Variants in MEIG1 observed in about 807,000 individuals in gnomAD.
MEIG1 encodes meiosis expressed gene 1 protein homolog.
In MEIG1, 12 loss-of-function variants were observed where a neutral mutation model predicts 11.3. That is an observed-to-expected ratio of 1.07 (90% CI 0.68 to 1.73). The LOEUF is 1.73. Among genes scored for constraint, MEIG1 ranks in the 40% most tolerant of loss-of-function variants. The pLI is 0.00. For synonymous variants in MEIG1, 41 were observed against 33.2 expected (o/e 1.24, Z -0.81); for missense variants, 119 against 104.9 (o/e 1.13, Z -0.59).
chr10:14,981,301 C>T (rs1237479374), intron 1 of MEIG1, among the ~76,000 whole-genome samples: 1 of 151,902 alleles, frequency 6.6e-6, no homozygotes, highest in Non-Finnish European at 1.5e-5. Flanking sequence ...CATAATGACT[C>T]CCGTGGTGGG....
chr10:14,966,742 CTTTTA>C (rs1024209938), intron 2 of MEIG1, 136 bp downstream of exon 2: 6 of 887,830 alleles, frequency 6.8e-6, no homozygotes, highest in Admixed American at 3.1e-5. Context: ...CTTTTATTTA[CTTTTA>C]TTTTATTTTT....
chr10:14,976,334 A>G (rs1843209963), downstream of MEIG1, among the ~76,000 whole-genome samples: 1 of 152,194 alleles, frequency 6.6e-6, no homozygotes, highest in Admixed American at 6.5e-5. Flanking sequence ...AGGACCGTAC[A>G]CACTGTGAAG....
At chr10:14,961,769 C>A (rs376582113) in intron 1 of MEIG1, among the ~76,000 whole-genome samples, 1 of 148,984 alleles carries the variant, frequency 6.7e-6, no homozygotes, top group East Asian at 2.0e-4. Flanking sequence ...CGTGAGCCAC[C>A]GCACATGGCC....
intron 2 of MEIG1, chr10:14,987,217 C>A (rs1843327673): frequency 2.1e-6 from 2 of 965,562 alleles, no homozygotes; most frequent in Non-Finnish European, 3.3e-6. Context: ...CCGAAGTGAA[C>A]CCGATGTCAG....
intron 2 of MEIG1, among the ~76,000 whole-genome samples, chr10:14,971,397 T>C (rs1207629856): frequency 2.0e-5 from 3 of 151,706 alleles, no homozygotes; most frequent in Admixed American, 1.3e-4. Context: ...AGAAAACTTA[T>C]CTGGGCATGG....
At chr10:14,956,430 A>AG (rs1036232023), upstream of MEIG1, among the ~76,000 whole-genome samples, 3 of 151,478 alleles carry the variant, frequency 2.0e-5, no homozygotes, top group African/African-American at 7.3e-5. Context: ...AATAAAAAAA[A>AG]AAATAGCCAG....
At chr10:14,963,307 C>G (rs1225876906) in intron 1 of MEIG1, among the ~76,000 whole-genome samples, 1 of 151,742 alleles carries the variant, frequency 6.6e-6, no homozygotes, top group Non-Finnish European at 1.5e-5. Flanking sequence ...GTTGGTCAGG[C>G]TAGTCTCGAA....
downstream of MEIG1, among the ~76,000 whole-genome samples, chr10:14,977,151 C>A (rs1429516475): frequency 6.6e-6 from 1 of 151,860 alleles, no homozygotes; most frequent in Non-Finnish European, 1.5e-5. Context: ...GCGTGTACAG[C>A]CTGTGATAGT....
intron 1 of MEIG1, among the ~76,000 whole-genome samples, chr10:14,966,031 C>T (rs192211873): frequency 2.1e-3 from 308 of 148,122 alleles, no homozygotes; most frequent in Non-Finnish European, 3.2e-3. Context: ...ATTCTCAACT[C>T]TAAGTATAAT....
chr10:14,957,517 G>A (rs1433268670), upstream of MEIG1, among the ~76,000 whole-genome samples: 2 of 152,246 alleles, frequency 1.3e-5, no homozygotes, highest in Admixed American at 6.5e-5. Flanking sequence ...GGAGGGTGTT[G>A]TGAGCAAATC....
chr10:14,967,951 T>C (rs541829368), intron 2 of MEIG1, among the ~76,000 whole-genome samples: 1 of 152,316 alleles, frequency 6.6e-6, no homozygotes, highest in Middle Eastern at 3.4e-3. Flanking sequence ...ATATATGGAC[T>C]CCCCAAGTTC....
upstream of MEIG1, among the ~76,000 whole-genome samples, chr10:14,957,106 C>T (rs2131253781): frequency 6.6e-6 from 1 of 152,238 alleles, no homozygotes; most frequent in South Asian, 2.1e-4. Flanking sequence ...TGGGAGTGTA[C>T]CTTCTAATGC....
chr10:14,969,295 T>C (rs1331042769), intron 2 of MEIG1, among the ~76,000 whole-genome samples: 1 of 149,704 alleles, frequency 6.7e-6, no homozygotes, highest in Admixed American at 6.7e-5. Flanking sequence ...AAAAACTTTT[T>C]TTAATTAGCC....
chr10:14,972,615 C>A lies in MEIG1; in HGVS notation c.241C>A (p.His81Asn). 7 of 1,611,690 alleles carry A rather than the reference C, an allele frequency of 4.3e-6. No homozygotes were observed. Among genetic ancestry groups the A allele is most frequent in the Non-Finnish European group, 5.1e-6 (6 of 1,178,964 alleles). ...GAGGGAATGTGATGACAAAGAAGTC[C>A]ACAAAGTGAAAATTTATGCTTACTA... is the stretch of plus-strand genomic sequence containing the variant. ...KQRECDDKEV[H>N]KVKIYAY The change falls in exon 3 of 3, where the codon CAC becomes AAC. Residue 81 changes from histidine (H) to asparagine (N), a missense_variant. His to Asn is a moderately conservative substitution (Grantham distance 68). Transcript: ENST00000407572.
At chr10:14,968,579 T>C (rs4748117) in intron 2 of MEIG1, among the ~76,000 whole-genome samples, 97,264 of 151,782 alleles carry the variant, frequency 0.64, 31,466 homozygotes, top group Admixed American at 0.68. Context: ...ATTACCTCTT[T>C]AATAGACATT....
At chr10:14,986,330 C>CA (rs1388972354) in intron 1 of MEIG1, among the ~76,000 whole-genome samples, 3 of 151,790 alleles carry the variant, frequency 2.0e-5, no homozygotes, top group Non-Finnish European at 4.4e-5. Flanking sequence ...CATCTCAAAA[C>CA]AAAAAACAAA....
At chr10:14,987,562 A>G (rs1843331905) in intron 2 of MEIG1, 8 of 599,402 alleles carry the variant, frequency 1.3e-5, no homozygotes, top group Non-Finnish European at 2.4e-5. Context: ...ACCATACACC[A>G]CCAGCAATGT....
chr10:14,985,849 A>G (rs1441959132), intron 1 of MEIG1, among the ~76,000 whole-genome samples: 2 of 152,042 alleles, frequency 1.3e-5, no homozygotes, highest in East Asian at 3.9e-4. Context: ...ATACCCTGTG[A>G]TAGTATTCAT....
At chr10:14,971,130 C>A (rs544673575) in intron 2 of MEIG1, among the ~76,000 whole-genome samples, 42 of 151,652 alleles carry the variant, frequency 2.8e-4, no homozygotes, top group African/African-American at 9.9e-4. Context: ...CTCACACCTG[C>A]AATCCCAACA....
Sources: allele counts gnomAD v4.1 joint callset (sites outside exome capture counted in the v4.1 genomes callset), GRCh38; gene constraint gnomAD v4.1.1; transcripts MANE v1.5; gene names NCBI Gene and HGNC (gene_info 2026-07-23, HGNC 2026-07-21).